The following GRIK2 variants were observed in gnomAD, a reference collection of about 807,000 sequenced individuals.
GRIK2 encodes glutamate ionotropic receptor kainate type subunit 2.
GRIK2 carries 32 observed loss-of-function variants against 100.3 expected under a neutral mutation model. That is an observed-to-expected ratio of 0.32 (90% confidence interval 0.24 to 0.43). The LOEUF (loss-of-function observed/expected upper bound fraction) is 0.43. Ranked by LOEUF, GRIK2 falls within the 20% of genes least tolerant of loss-of-function variation. The pLI is 1.00. For synonymous variants in GRIK2, 417 were observed against 389.4 expected (o/e 1.07, Z -0.83); for missense variants, 843 against 1,114.9 (o/e 0.76, Z 3.47).
intron 2 of GRIK2, among the ~76,000 whole-genome samples, chr6:101,583,182 GA>G (rs1438451405): frequency 6.6e-6 from 1 of 152,100 alleles, no homozygotes; most frequent in Non-Finnish European, 1.5e-5. Context: ...AGAAAAGACT[GA>G]TTGAGGTGAG....
chr6:101,595,447 T>C (rs975590981), intron 2 of GRIK2, among the ~76,000 whole-genome samples: 1 of 151,648 alleles, frequency 6.6e-6, no homozygotes, highest in African/African-American at 2.4e-5. Flanking sequence ...AACAGATAGC[T>C]GGTCAAGTTT....
intron 4 of GRIK2, among the ~76,000 whole-genome samples, chr6:101,627,093 GTGTGTGTGTGCGTGTGTGTGTCTC>G (rs1251619114): frequency 2.0e-4 from 30 of 146,860 alleles, no homozygotes; most frequent in Non-Finnish European, 4.0e-4. Flanking sequence ...TGAATAATGT[GTGTGTGTGTGCGTGTGTGTGTCTC>G]TGTGTGTGTG....
chr6:101,607,457 C>T (rs1338622110), intron 2 of GRIK2, among the ~76,000 whole-genome samples: 1 of 151,972 alleles, frequency 6.6e-6, no homozygotes, highest in African/African-American at 2.4e-5. Context: ...TGGCTTTATG[C>T]AAATGCAAAT....
At chr6:101,904,691 AT>A (rs1421002683) in intron 12 of GRIK2, among the ~76,000 whole-genome samples, 1 of 151,548 alleles carries the variant, frequency 6.6e-6, no homozygotes, top group Non-Finnish European at 1.5e-5. Context: ...ATACTGTCAA[AT>A]CATAATTTGG....
chr6:101,523,120 T>G (rs977125355), intron 2 of GRIK2, among the ~76,000 whole-genome samples: 4 of 124,596 alleles, frequency 3.2e-5, no homozygotes, highest in Admixed American at 2.6e-4. Flanking sequence ...TTAGAACATC[T>G]TATATGCTTG....
intron 14 of GRIK2, among the ~76,000 whole-genome samples, chr6:101,977,275 GTT>G (rs1466521217): frequency 7.0e-6 from 1 of 143,210 alleles, no homozygotes; most frequent in Non-Finnish European, 1.6e-5. Flanking sequence ...GTTATGTTAT[GTT>G]ATGAGTCTGA....
chr6:101,499,113 A>G (rs1188483558), intron 2 of GRIK2, among the ~76,000 whole-genome samples: 3 of 152,132 alleles, frequency 2.0e-5, no homozygotes, highest in Non-Finnish European at 4.4e-5. Context: ...TACACCTTAT[A>G]CAAAAATTAA....
intron 2 of GRIK2, among the ~76,000 whole-genome samples, chr6:101,459,900 C>T (rs528346113): frequency 5.9e-5 from 9 of 152,022 alleles, no homozygotes; most frequent in South Asian, 2.1e-4. Flanking sequence ...GGATTACAGG[C>T]GCCCACCACC....
chr6:101,984,044 G>A (rs922087456), intron 14 of GRIK2, among the ~76,000 whole-genome samples: 15 of 151,570 alleles, frequency 9.9e-5, no homozygotes, highest in African/African-American at 3.6e-4. Context: ...ACAAAGCCAG[G>A]CTTTCAAAAA....
At chr6:102,050,518 G>A (rs73500566) in intron 15 of GRIK2, among the ~76,000 whole-genome samples, 10,767 of 151,918 alleles carry the variant, frequency 0.071, 592 homozygotes, top group African/African-American at 0.15. Flanking sequence ...TGGGCGTAGG[G>A]TGCCTGTAAT....
chr6:102,064,370 C>CTT (rs1253961080), intron 16 of GRIK2, among the ~76,000 whole-genome samples: 1 of 134,586 alleles, frequency 7.4e-6, no homozygotes, highest in Non-Finnish European at 1.5e-5. Context: ...TTCCTTCTTT[C>CTT]TTTCTTTCTT....
At chr6:101,817,895 T>A (rs1332140451) in intron 9 of GRIK2, among the ~76,000 whole-genome samples, 3 of 152,214 alleles carry the variant, frequency 2.0e-5, no homozygotes, top group Admixed American at 6.5e-5. Context: ...CCAGGGGTAG[T>A]GCAAAATACT....
chr6:102,061,841 G>C (rs1771768727), intron 16 of GRIK2, among the ~76,000 whole-genome samples: 1 of 150,118 alleles, frequency 6.7e-6, no homozygotes, highest in South Asian at 2.1e-4. Flanking sequence ...TTGTAAAGCT[G>C]ATACATTTTA....
chr6:101,494,917 C>T (rs1177590825), intron 2 of GRIK2, among the ~76,000 whole-genome samples: 2 of 146,398 alleles, frequency 1.4e-5, no homozygotes, highest in African/African-American at 2.5e-5. Flanking sequence ...CAGAGTGAGA[C>T]TCTATCACAA....
intron 12 of GRIK2, among the ~76,000 whole-genome samples, chr6:101,912,059 C>A (rs1170242191): frequency 2.6e-5 from 1 of 38,080 alleles, no homozygotes; most frequent in Non-Finnish European, 4.8e-5. Context: ...CACACACACA[C>A]ACACACACAC....
intron 12 of GRIK2, among the ~76,000 whole-genome samples, chr6:101,919,041 C>T (rs543952014): frequency 1.3e-5 from 2 of 151,714 alleles, no homozygotes; most frequent in African/African-American, 4.8e-5. Flanking sequence ...TAAACAAAGG[C>T]ATAATGAGAC....
chr6:101,550,428 T>C (rs1776451464), intron 2 of GRIK2, among the ~76,000 whole-genome samples: 1 of 152,202 alleles, frequency 6.6e-6, no homozygotes, highest in South Asian at 2.1e-4. Context: ...CTCCATCATT[T>C]AGTTTGCTTA....
chr6:101,654,979 G>A (rs1409009350), intron 4 of GRIK2, among the ~76,000 whole-genome samples: 1 of 152,044 alleles, frequency 6.6e-6, no homozygotes, highest in Non-Finnish European at 1.5e-5. Flanking sequence ...TGAGTGTCCT[G>A]GTACAACTAA....
intron 7 of GRIK2, among the ~76,000 whole-genome samples, chr6:101,736,505 C>A (rs1375758360): frequency 6.6e-6 from 1 of 152,180 alleles, no homozygotes; most frequent in Admixed American, 6.5e-5. Flanking sequence ...GGCTTAACAC[C>A]ACATGGAAGC....
Sources: allele counts gnomAD v4.1 joint callset (sites outside exome capture counted in the v4.1 genomes callset), GRCh38; gene constraint gnomAD v4.1.1; transcripts MANE v1.5; gene names NCBI Gene and HGNC (gene_info 2026-07-23, HGNC 2026-07-21).